Variants in SLC39A12 observed in about 807,000 individuals in gnomAD.
SLC39A12 encodes solute carrier family 39 member 12, also known as zinc transporter ZIP12.
A neutral mutation model predicts 71.1 loss-of-function variants in SLC39A12; 63 were observed. The ratio of observed to expected loss-of-function variants is 0.89; its 90% CI spans 0.72 to 1.09. The LOEUF (loss-of-function observed/expected upper bound fraction) is 1.09. Ranked by LOEUF, SLC39A12 falls within the 50% of genes least tolerant of loss-of-function variation. The pLI is 0.00. For missense variants in SLC39A12, 892 were observed against 812.6 expected, an observed-to-expected ratio of 1.10 and a Z score of -1.19; for synonymous variants, 351 against 301.3, an observed-to-expected ratio of 1.16 and a Z score of -1.71.
intron 6 of SLC39A12, among the ~76,000 whole-genome samples, chr10:17,984,626 G>C (rs890650787): frequency 1.3e-5 from 2 of 152,168 alleles, no homozygotes; most frequent in African/African-American, 4.8e-5. Context: ...GATTTTCAGG[G>C]AAGTTTCTAT....
intron 12 of SLC39A12, chr10:18,005,283 G>A (rs1235548168): frequency 1.3e-5 from 2 of 152,134 alleles, no homozygotes; most frequent in African/African-American, 4.8e-5. Flanking sequence ...TGAGGTCAAT[G>A]TTATGGAATC....
At chr10:18,022,036 A>G (rs961834845) in intron 12 of SLC39A12, among the ~76,000 whole-genome samples, 7 of 152,060 alleles carry the variant, frequency 4.6e-5, no homozygotes, top group Non-Finnish European at 7.4e-5. Flanking sequence ...CCTTCTCTCT[A>G]GCTGCCTTTA....
At chr10:18,012,125 C>T (rs959899818) in intron 12 of SLC39A12, among the ~76,000 whole-genome samples, 1 of 152,116 alleles carries the variant, frequency 6.6e-6, no homozygotes, top group Non-Finnish European at 1.5e-5. Flanking sequence ...ATTCTTGAGT[C>T]AACAGAGTGT....
intron 10 of SLC39A12, among the ~76,000 whole-genome samples, chr10:17,997,017 C>T (rs1007714053): frequency 2.5e-5 from 2 of 79,240 alleles, no homozygotes; most frequent in Admixed American, 1.6e-4. Context: ...AGTGAGACTC[C>T]GTCTCAAAAA....
intron 12 of SLC39A12, among the ~76,000 whole-genome samples, chr10:18,037,414 A>G (rs1837083988): frequency 6.6e-6 from 1 of 152,134 alleles, no homozygotes; most frequent in Non-Finnish European, 1.5e-5. Context: ...TGAATCTCAG[A>G]TAGAGAATTG....
intron 12 of SLC39A12, among the ~76,000 whole-genome samples, chr10:18,011,973 A>G (rs1259339941): frequency 6.6e-6 from 1 of 152,222 alleles, no homozygotes; most frequent in East Asian, 1.9e-4. Flanking sequence ...GCTATCCCAT[A>G]TAAGTTGAGA....
At chr10:17,970,998 T>G (rs1369103877) in intron 4 of SLC39A12, among the ~76,000 whole-genome samples, 1 of 152,026 alleles carries the variant, frequency 6.6e-6, no homozygotes, top group Admixed American at 6.6e-5. Context: ...TTTTTTAGGG[T>G]TTTTATCATG....
rs552523350 is a variant in SLC39A12 at position 18,003,085 on chromosome 10, A to T, written c.1760-86A>T. On this transcript the variant is annotated intron_variant, in intron 11 of 12. Transcript: ENST00000377369. ...CTATAAAATTGGTTCCAGTGCTGAC[A>T]TTCGAAATAGCTAATAGTGCGTTAC... 10 of 1,267,528 alleles carry T rather than the reference A, an allele frequency of 7.9e-6. No homozygotes were observed. In the African/African-American group the frequency reaches 1.3e-4, roughly 17 times the overall value. 78.5% of individuals were successfully genotyped at this position (1,267,528 alleles called of 1,614,324 possible).
At chr10:18,026,573 G>C (rs1227506498) in intron 12 of SLC39A12, among the ~76,000 whole-genome samples, 2 of 152,046 alleles carry the variant, frequency 1.3e-5, no homozygotes, top group Non-Finnish European at 2.9e-5. Flanking sequence ...TTTAGTGTTT[G>C]ACATTAATTT....
At chr10:17,976,564 C>A (rs1483853892) in intron 4 of SLC39A12, among the ~76,000 whole-genome samples, 1 of 152,000 alleles carries the variant, frequency 6.6e-6, no homozygotes, top group Non-Finnish European at 1.5e-5. Context: ...ATTACAGGTG[C>A]CTGCCACCAC....
rs1045351007 is a variant in SLC39A12 at position 17,953,391 on chromosome 10, A to T, written c.115A>T (p.Ser39Cys). The T allele has an allele frequency of 1.2e-6, 2 of 1,614,158 alleles. No homozygotes were observed. Among genetic ancestry groups the T allele is most frequent in the Non-Finnish European group, 1.7e-6 (2 of 1,180,028 alleles). Residue 39 changes from serine to cysteine, a missense_variant, in exon 2 of 13, where the codon AGT becomes TGT. Physicochemically the swap from Ser to Cys is moderately radical, Grantham distance 112. Transcript: ENST00000377369. ...AGCCCAGGATAGCAGAAGCCGTGGG[A>T]GTTCAGGCCAACCGGCAGACCTGCT... is the stretch of plus-strand genomic sequence containing the variant. ...PSAQDSRSRG[S>C]SGQPADLLQV... is the part of the protein sequence containing the mutation.
Position 17,993,180 on chromosome 10 carries a change from G to T in SLC39A12, c.1423-1G>T, listed in dbSNP as rs1489882906. ...ACTAATTTTAAACCATCCTCATCCA[G>T]CAGGGCCTGTCATTGGTTAATGGGC... On this transcript the variant is annotated splice_acceptor_variant, in intron 8 of 12. Coordinates refer to ENST00000377369, the MANE Select transcript of SLC39A12 (RefSeq NM_001145195.2). LOFTEE classifies it high-confidence loss of function. The T allele has an allele frequency of 6.5e-7, 1 of 1,548,578 alleles. No homozygotes were observed. The highest frequency in any genetic ancestry group is 1.4e-5 in the African/African-American group (1 of 72,958).
intron 12 of SLC39A12, among the ~76,000 whole-genome samples, chr10:18,035,303 G>T (rs1210083186): frequency 2.2e-5 from 3 of 137,856 alleles, no homozygotes; most frequent in African/African-American, 9.0e-5. Flanking sequence ...CATAGATTTG[G>T]TCTTTTCACA....
chr10:18,006,885 C>A (rs1419423607), intron 12 of SLC39A12, among the ~76,000 whole-genome samples: 2 of 152,208 alleles, frequency 1.3e-5, no homozygotes, highest in African/African-American at 4.8e-5. Flanking sequence ...AGAGGCAAGA[C>A]TCTGCAAAAC....
intron 4 of SLC39A12, among the ~76,000 whole-genome samples, chr10:17,966,951 A>G (rs80200568): frequency 0.086 from 12,999 of 151,994 alleles, 574 homozygotes; most frequent in Middle Eastern, 0.1. Flanking sequence ...TCCACCTTTC[A>G]AGACAGAGCG....
chr10:18,025,614 T>G (rs1836655893), intron 12 of SLC39A12, among the ~76,000 whole-genome samples: 1 of 152,242 alleles, frequency 6.6e-6, no homozygotes, highest in African/African-American at 2.4e-5. Flanking sequence ...GTGCCACATT[T>G]TCTTAATCCA....
intron 9 of SLC39A12, among the ~76,000 whole-genome samples, chr10:17,994,863 A>G (rs1835644670): frequency 6.6e-6 from 1 of 152,188 alleles, no homozygotes; most frequent in Non-Finnish European, 1.5e-5. Flanking sequence ...AATTTGTACA[A>G]CTTTGGGAGA....
intron 4 of SLC39A12, among the ~76,000 whole-genome samples, chr10:17,970,145 CTG>C (rs1305688987): frequency 3.3e-5 from 5 of 152,050 alleles, no homozygotes; most frequent in African/African-American, 7.2e-5. Context: ...CCATTGGTCT[CTG>C]TGTCTGTTTT....
chr10:18,019,522 C>A (rs528724494), intron 12 of SLC39A12, among the ~76,000 whole-genome samples: 1 of 152,012 alleles, frequency 6.6e-6, no homozygotes, highest in Admixed American at 6.6e-5. Context: ...TATATAATAT[C>A]TGATTCTTTT....
Sources: gnomAD v4.1 joint callset for allele counts (sites outside exome capture counted in the v4.1 genomes callset) on GRCh38, gnomAD v4.1.1 for gene constraint, MANE v1.5 for transcripts, NCBI Gene and HGNC (gene_info 2026-07-23, HGNC 2026-07-21) for gene names.